The following SLC26A2 variants were observed in gnomAD, a reference collection of about 807,000 sequenced individuals.
The protein encoded by SLC26A2 is solute carrier family 26 member 2.
SLC26A2 carries 36 observed loss-of-function variants against 41.1 expected under a neutral mutation model. That is an observed-to-expected ratio of 0.88 (90% CI 0.67 to 1.16). The LOEUF is 1.16. Ranked by LOEUF, SLC26A2 falls within the 50% of genes most tolerant of loss-of-function variation. The pLI is 0.00. For missense variants in SLC26A2, 796 were observed against 869.6 expected (o/e 0.92, Z 1.07); for synonymous variants, 291 against 311.6 (o/e 0.93, Z 0.70).
At position 149,984,724 on chromosome 5, in the gene SLC26A2, T is replaced by C. The variant is rs181296604; in HGVS notation, c.*2911T>C. 6.6e-6 allele frequency: 1 copy of C among 152,374 alleles called. No homozygotes were observed. Among genetic ancestry groups the C allele is most frequent in the Admixed American group, 6.5e-5 (1 of 15,304 alleles). The allele number at this position is 152,374 out of a possible 1,614,324, so 9.4% of individuals were successfully genotyped here. On this transcript the variant is annotated 3_prime_UTR_variant, in exon 3 of 3. Coordinates refer to ENST00000286298, the MANE Select transcript of SLC26A2 (RefSeq NM_000112.4). ...GACCAAAGGATAGGACTTTAGTTCT[T>C]TAAGCATTATTTTAAACACTATATT...
At chr5:149,963,068 A>G (rs1382371206) in intron 1 of SLC26A2, among the ~76,000 whole-genome samples, 2 of 148,886 alleles carry the variant, frequency 1.3e-5, no homozygotes, top group African/African-American at 5.0e-5. Context: ...AATGGCAGCA[A>G]TGGCAGTGGT....
chr5:149,980,292 G>C lies in SLC26A2; in HGVS notation c.700-1G>C, dbSNP rs200963884. On this transcript the variant is annotated splice_acceptor_variant, in intron 2 of 2. Coordinates refer to ENST00000286298, the MANE Select transcript of SLC26A2 (RefSeq NM_000112.4). LOFTEE classifies it high-confidence loss of function. The stretch of plus-strand genomic sequence containing the variant: ...TAACACTTCTATATCCTTCCTTCCA[G>C]GTAGCGATGGGCTTCTTTCAAGTGG... The C allele has an allele frequency of 6.8e-6, 11 of 1,612,766 alleles. No homozygotes were observed. The Admixed American group carries it at 1.5e-4, about 22-fold the overall frequency.
In SLC26A2 at chr5:149,967,426, T is replaced by C. The variant is rs184019712; in HGVS notation, c.-26+6447T>C. Among the ~76,000 whole-genome samples the C allele has an allele frequency of 3.4e-3, 510 of 152,100 alleles. 4 individuals are homozygous for C. Among genetic ancestry groups the C allele is most frequent in the African/African-American group, 5.4e-3 (224 of 41,350 alleles). ...CCCCACCTTACTTCCTATCCCGAAA[T>C]AGCCACTGATTTACTTTCTGTCACT... On this transcript the variant is annotated intron_variant, in intron 1 of 2. Transcript: ENST00000286298.
At position 149,985,557 on chromosome 5, in the gene SLC26A2, C is replaced by A. The variant is rs917164802; in HGVS notation, c.*3744C>A. ...GACCACTTAAATGACCATAAGTGGT[C>A]ATTTAAGAACATGTTAGGGTTAGCC... On this transcript the variant is annotated 3_prime_UTR_variant, in exon 3 of 3. Coordinates refer to ENST00000286298, the MANE Select transcript of SLC26A2 (RefSeq NM_000112.4). 1 of 152,098 alleles carries A rather than the reference C, an allele frequency of 6.6e-6. No individual in the cohort carries two copies. The highest frequency in any genetic ancestry group is 3.2e-3 in the Middle Eastern group (1 of 316). 9.4% of individuals were successfully genotyped at this position (152,098 alleles called of 1,614,324 possible). A position where few individuals can be genotyped will look rare whatever the true frequency, so the allele number is the denominator to read the frequency against.
chr5:149,966,370 C>T (rs185321753), intron 1 of SLC26A2, among the ~76,000 whole-genome samples: 11 of 152,212 alleles, frequency 7.2e-5, no homozygotes, highest in African/African-American at 2.7e-4. Context: ...GAGTCCAGGG[C>T]TCCTGACAAC....
chr5:149,973,491 C>A (rs1286833307), intron 1 of SLC26A2, among the ~76,000 whole-genome samples: 1 of 151,894 alleles, frequency 6.6e-6, no homozygotes, highest in African/African-American at 2.4e-5. Flanking sequence ...CTTTCCCCAT[C>A]TCTTCTTCTC....
rs935665172 is a variant in SLC26A2, at chr5:149,986,176, G to A, written c.*4363G>A. ...GTTGAGAGTGAAGTTTCACTAGCAGGGAAGTTTCCTTGAGCCTAAAATAAA... is the reference window on the plus strand; with the variant it reads ...GTTGAGAGTGAAGTTTCACTAGCAGAGAAGTTTCCTTGAGCCTAAAATAAA... On this transcript the variant is annotated 3_prime_UTR_variant, in exon 3 of 3. Coordinates refer to ENST00000286298, the MANE Select transcript of SLC26A2 (RefSeq NM_000112.4). 2.0e-5 allele frequency: 3 copies of A among 151,996 alleles called. No homozygotes were observed. The highest frequency in any genetic ancestry group is 7.2e-5 in the African/African-American group (3 of 41,380). The allele number at this position is 151,996 out of a possible 1,614,324, so 9.4% of individuals were successfully genotyped here. A position where few individuals can be genotyped will look rare whatever the true frequency, so the allele number is the denominator to read the frequency against.
At position 149,985,696 on chromosome 5, in the gene SLC26A2, T is replaced by C. The variant is rs1755187335; in HGVS notation, c.*3883T>C. ...TTCTGTGATCCTTATTGTTCTTAAT[T>C]GTGTTTCTCTACGTATTGTTACAGA... On this transcript the variant is annotated 3_prime_UTR_variant, in exon 3 of 3. Coordinates refer to ENST00000286298, the MANE Select transcript of SLC26A2 (RefSeq NM_000112.4). The C allele has an allele frequency of 6.6e-6, 1 of 152,206 alleles. No individual in the cohort carries two copies. The highest frequency in any genetic ancestry group is 1.5e-5 in the Non-Finnish European group (1 of 68,030). 9.4% of individuals were successfully genotyped at this position (152,206 alleles called of 1,614,324 possible). A position where few individuals can be genotyped will look rare whatever the true frequency, so the allele number is the denominator to read the frequency against.
At position 149,978,075 on chromosome 5, in the gene SLC26A2, G is replaced by C. The variant is rs536620072; in HGVS notation, c.423G>C (p.Leu141=). 4 of 1,605,912 alleles carry C rather than the reference G, an allele frequency of 2.5e-6. No individual in the cohort carries two copies. The highest frequency in any genetic ancestry group is 2.6e-6 in the Non-Finnish European group (3 of 1,175,452). The change falls in exon 2 of 3, where the codon CTG becomes CTC. Residue 141 remains leucine (L), a synonymous_variant. Coordinates refer to ENST00000286298, the MANE Select transcript of SLC26A2 (RefSeq NM_000112.4). ...LLAGQEPVYG[L]YTSFFASIIY... ...CTGGCCAAGAACCTGTCTATGGTCT[G>C]TACACATCTTTTTTTGCCAGCATCA...
chr5:149,966,834 CTG>C (rs1323834874), intron 1 of SLC26A2, among the ~76,000 whole-genome samples: 3 of 152,250 alleles, frequency 2.0e-5, no homozygotes, highest in Admixed American at 6.5e-5. Flanking sequence ...CTAAATATAA[CTG>C]TTTTTAGAAA....
chr5:149,972,930 C>T (rs1754929822), intron 1 of SLC26A2, among the ~76,000 whole-genome samples: 1 of 151,754 alleles, frequency 6.6e-6, no homozygotes, highest in Non-Finnish European at 1.5e-5. Flanking sequence ...ATTACTTATA[C>T]CTTTTTAAAA....
In SLC26A2 at chr5:149,984,849, C is replaced by T. The variant is rs972134229; in HGVS notation, c.*3036C>T. On this transcript the variant is annotated 3_prime_UTR_variant, in exon 3 of 3. Transcript: ENST00000286298. ...TCATAAAATGGTTATTTAATTGAAA[C>T]GTAGTGTGGTATACTCTTGATGGTT... 23 of 152,058 alleles carry T rather than the reference C, an allele frequency of 1.5e-4. No individual in the cohort carries two copies. The highest frequency in any genetic ancestry group is 2.5e-4 in the Non-Finnish European group (17 of 68,020). The allele number at this position is 152,058 out of a possible 1,614,324, so 9.4% of individuals were successfully genotyped here.
Position 149,985,291 on chromosome 5 carries a change from TA to T in SLC26A2, c.*3482del, listed in dbSNP as rs1221325517. On this transcript the variant is annotated 3_prime_UTR_variant, in exon 3 of 3. Coordinates refer to ENST00000286298, the MANE Select transcript of SLC26A2 (RefSeq NM_000112.4). The stretch of plus-strand genomic sequence containing the variant: ...GTACTATCTGTGCCTCTGATGGTAA[TA>T]AAACTGACAAGATGTCTAATTTTTT... 6.6e-6 allele frequency: 1 copy of T among 152,158 alleles called. No individual in the cohort carries two copies. Among genetic ancestry groups the T allele is most frequent in the Non-Finnish European group, 1.5e-5 (1 of 68,028 alleles). The allele number at this position is 152,158 out of a possible 1,614,324, so 9.4% of individuals were successfully genotyped here.
intron 1 of SLC26A2, among the ~76,000 whole-genome samples, chr5:149,976,727 G>A (rs972739842): frequency 9.2e-5 from 14 of 152,018 alleles, no homozygotes; most frequent in African/African-American, 3.4e-4. Context: ...TAGTTTTATA[G>A]TCTAGGACAC....
chr5:149,977,513 C>G, intron 1 of SLC26A2, 115 bp from the exon 2 acceptor site: 1 of 702,174 alleles, frequency 1.4e-6, no homozygotes, highest in Non-Finnish European at 2.6e-6. Context: ...ACATAAGATA[C>G]CTATTCCAAA....
intron 1 of SLC26A2, among the ~76,000 whole-genome samples, chr5:149,973,277 T>C (rs1312637410): frequency 6.6e-6 from 1 of 152,206 alleles, no homozygotes; most frequent in Non-Finnish European, 1.5e-5. Flanking sequence ...TACATTCCCA[T>C]TTTTGGTTTA....
Position 149,980,467 on chromosome 5 carries a change from C to T in SLC26A2, c.874C>T (p.His292Tyr), listed in dbSNP as rs775926426. The T allele has an allele frequency of 6.2e-7, 1 of 1,614,102 alleles. No individual in the cohort carries two copies. Among genetic ancestry groups the T allele is most frequent in the East Asian group, 2.2e-5 (1 of 44,874 alleles). ...GGGCTCACTCATCACTACCTGGATA[C>T]ATGTCTTCAGAAACATCCATAAGAC... is the stretch of plus-strand genomic sequence containing the variant. ...GVGSLITTWI[H>Y]VFRNIHKTNL... Residue 292 changes from histidine to tyrosine, a missense_variant, in exon 3 of 3, where the codon CAT becomes TAT. Coordinates refer to ENST00000286298, the MANE Select transcript of SLC26A2 (RefSeq NM_000112.4).
At chr5:149,974,325 A>C (rs1754954574) in intron 1 of SLC26A2, among the ~76,000 whole-genome samples, 1 of 151,830 alleles carries the variant, frequency 6.6e-6, no homozygotes, top group Non-Finnish European at 1.5e-5. Context: ...CAGCTTGAAT[A>C]TCATATGTGT....
chr5:149,967,462 A>G (rs886877490), intron 1 of SLC26A2, among the ~76,000 whole-genome samples: 3 of 152,202 alleles, frequency 2.0e-5, no homozygotes, highest in Non-Finnish European at 4.4e-5. Flanking sequence ...ATAAATTAGT[A>G]TAAACTTTTT....
Sources: gnomAD v4.1 joint callset for allele counts (sites outside exome capture counted in the v4.1 genomes callset) on GRCh38, gnomAD v4.1.1 for gene constraint, MANE v1.5 for transcripts, NCBI Gene and HGNC (gene_info 2026-07-23, HGNC 2026-07-21) for gene names.